Variants in NEGR1 observed in about 807,000 individuals in gnomAD.
NEGR1 encodes the protein neuronal growth regulator 1.
A neutral mutation model predicts 40.9 loss-of-function variants in NEGR1; 10 were observed. The observed-to-expected ratio is 0.24, with a 90% confidence interval of 0.15 to 0.42. The LOEUF (loss-of-function observed/expected upper bound fraction) is 0.42, where lower values mean the gene tolerates loss of function less well. NEGR1 is among the 10% of genes least tolerant of loss of function. The pLI, the probability that NEGR1 is intolerant of heterozygous loss-of-function variation, is 1.00. For synonymous variants in NEGR1, 185 were observed against 166.8 expected (o/e 1.11, Z -0.84); for missense variants, 352 against 438.9 (o/e 0.80, Z 1.77).
intron 2 of NEGR1, among the ~76,000 whole-genome samples, chr1:71,867,578 T>C (rs1660155758): frequency 6.6e-6 from 1 of 152,200 alleles, no homozygotes; most frequent in Non-Finnish European, 1.5e-5. Context: ...TTTTGGTGTT[T>C]GAGAGACTGA....
At chr1:71,912,843 A>T (rs1661457816) in intron 2 of NEGR1, among the ~76,000 whole-genome samples, 1 of 152,148 alleles carries the variant, frequency 6.6e-6, no homozygotes, top group East Asian at 1.9e-4. Flanking sequence ...GTATATATGT[A>T]TTTATGTATA....
intron 1 of NEGR1, among the ~76,000 whole-genome samples, chr1:72,129,292 A>G (rs1650151157): frequency 6.6e-6 from 1 of 152,174 alleles, no homozygotes; most frequent in Non-Finnish European, 1.5e-5. Flanking sequence ...AGTCACATTT[A>G]TGTTATTGAT....
chr1:71,847,423 A>G (rs560152609), intron 2 of NEGR1, among the ~76,000 whole-genome samples: 5 of 152,270 alleles, frequency 3.3e-5, no homozygotes, highest in Admixed American at 1.3e-4. Context: ...TTTCAACAGC[A>G]TGAGCTCATT....
chr1:72,099,256 T>C, intron 1 of NEGR1, among the ~76,000 whole-genome samples: 1 of 152,030 alleles, frequency 6.6e-6, no homozygotes, highest in Non-Finnish European at 1.5e-5. Context: ...TCCTTGGTTA[T>C]GTCTAAGAGT....
intron 1 of NEGR1, among the ~76,000 whole-genome samples, chr1:72,249,072 G>A (rs1655001611): frequency 6.6e-6 from 1 of 152,138 alleles, no homozygotes; most frequent in Non-Finnish European, 1.5e-5. Context: ...CTATGTGAGG[G>A]TATCAGGAAG....
intron 1 of NEGR1, among the ~76,000 whole-genome samples, chr1:71,962,825 A>T (rs1316112208): frequency 6.6e-6 from 1 of 151,910 alleles, no homozygotes; most frequent in Non-Finnish European, 1.5e-5. Context: ...CTGAAAAAAA[A>T]AGATGAGTCA....
At chr1:72,201,827 C>G (rs1457009360) in intron 1 of NEGR1, among the ~76,000 whole-genome samples, 1 of 151,814 alleles carries the variant, frequency 6.6e-6, no homozygotes, top group African/African-American at 2.4e-5. Context: ...TGGAATGGTC[C>G]TAATAACTAG....
At chr1:71,748,188 C>T (rs1655450223) in intron 3 of NEGR1, among the ~76,000 whole-genome samples, 1 of 152,166 alleles carries the variant, frequency 6.6e-6, no homozygotes. Context: ...TTTTGACACA[C>T]AATCTAGTGT....
At chr1:71,455,707 G>A (rs943040541) in intron 6 of NEGR1, among the ~76,000 whole-genome samples, 1 of 152,070 alleles carries the variant, frequency 6.6e-6, no homozygotes, top group African/African-American at 2.4e-5. Flanking sequence ...CCTGGCCATC[G>A]AGCAAGACTC....
intron 6 of NEGR1, among the ~76,000 whole-genome samples, chr1:71,509,771 C>T (rs543352543): frequency 1.5e-3 from 221 of 152,126 alleles, no homozygotes; most frequent in Non-Finnish European, 2.2e-3. Context: ...ATCTGGTGTT[C>T]GACTATTAAT....
intron 1 of NEGR1, among the ~76,000 whole-genome samples, chr1:72,202,004 C>T (rs570229117): frequency 7.9e-5 from 12 of 151,906 alleles, no homozygotes; most frequent in Admixed American, 7.9e-4. Flanking sequence ...ACCATTTTTC[C>T]AACATCACGT....
chr1:72,188,335 C>A (rs1185125999), intron 1 of NEGR1, among the ~76,000 whole-genome samples: 2 of 151,416 alleles, frequency 1.3e-5, no homozygotes, highest in African/African-American at 4.8e-5. Context: ...AATGTGCCTA[C>A]CAATGACACT....
intron 2 of NEGR1, among the ~76,000 whole-genome samples, chr1:71,862,199 C>G (rs912087164): frequency 1.3e-5 from 2 of 151,846 alleles, no homozygotes; most frequent in African/African-American, 4.8e-5. Context: ...AACATGCTGG[C>G]AAGTTTATTA....
At chr1:71,495,191 T>A (rs1317208427) in intron 6 of NEGR1, among the ~76,000 whole-genome samples, 1 of 152,098 alleles carries the variant, frequency 6.6e-6, no homozygotes, top group Non-Finnish European at 1.5e-5. Flanking sequence ...TCAAAAGTCA[T>A]GTACAGGCCA....
At chr1:71,505,976 A>G (rs528741765) in intron 6 of NEGR1, among the ~76,000 whole-genome samples, 193 of 152,148 alleles carry the variant, frequency 1.3e-3, no homozygotes, top group African/African-American at 4.4e-3. Context: ...ATTTTTAGAG[A>G]AAAAAAAGTT....
At chr1:72,268,826 A>G (rs968675943) in intron 1 of NEGR1, among the ~76,000 whole-genome samples, 2 of 151,560 alleles carry the variant, frequency 1.3e-5, no homozygotes, top group African/African-American at 4.8e-5. Flanking sequence ...TATAAAATTG[A>G]TAGAACAATA....
chr1:71,917,809 T>C (rs1318693929), intron 2 of NEGR1, among the ~76,000 whole-genome samples: 3 of 146,680 alleles, frequency 2.0e-5, no homozygotes, highest in East Asian at 2.1e-4. Flanking sequence ...GTAAGTCATA[T>C]ATATTTTGGA....
chr1:71,883,581 T>G (rs1157663660), intron 2 of NEGR1, among the ~76,000 whole-genome samples: 1 of 152,146 alleles, frequency 6.6e-6, no homozygotes, highest in Non-Finnish European at 1.5e-5. Context: ...CTATTTTCTT[T>G]TTTTATTATT....
chr1:71,999,680 CA>C (rs1646540321), intron 1 of NEGR1, among the ~76,000 whole-genome samples: 1 of 31,904 alleles, frequency 3.1e-5, no homozygotes, highest in Non-Finnish European at 6.7e-5. Context: ...TATATATATA[CA>C]TACATATTTT....
Sources: allele counts gnomAD v4.1 joint callset (sites outside exome capture counted in the v4.1 genomes callset), GRCh38; gene constraint gnomAD v4.1.1; transcripts MANE v1.5; gene names NCBI Gene and HGNC (gene_info 2026-07-23, HGNC 2026-07-21).